IDO2: variants seen among roughly 807,000 people sequenced by gnomAD.
The protein encoded by IDO2 is indoleamine 2,3-dioxygenase-like 1 protein.
Under a neutral mutation model 45.1 loss-of-function variants are expected in IDO2, and 46 were observed. The observed-to-expected ratio is 1.02, with a 90% CI of 0.80 to 1.30. IDO2 has a LOEUF of 1.30. Ranked by LOEUF, IDO2 falls within the 50% of genes most tolerant of loss-of-function variation. The pLI, the probability that IDO2 is intolerant of heterozygous loss-of-function variation, is 0.00. For synonymous variants in IDO2, 218 were observed against 184.9 expected (o/e 1.18, Z -1.45); for missense variants, 544 against 491.8 (o/e 1.11, Z -1.00).
intron 2 of IDO2, among the ~76,000 whole-genome samples, chr8:39,958,888 T>G (rs979983355): frequency 2.6e-5 from 4 of 152,244 alleles, no homozygotes; most frequent in African/African-American, 9.6e-5. Context: ...TACAAATCTG[T>G]TTTTCTTTAA....
At chr8:39,936,059 G>A (rs748662114) in intron 1 of IDO2, among the ~76,000 whole-genome samples, 1 of 152,166 alleles carries the variant, frequency 6.6e-6, no homozygotes, top group Non-Finnish European at 1.5e-5. Context: ...AATGATGGAA[G>A]TTTTCTCTTG....
chr8:39,966,028 T>G (rs1363329929), intron 3 of IDO2, among the ~76,000 whole-genome samples: 1 of 36,404 alleles, frequency 2.7e-5, no homozygotes, highest in East Asian at 1.1e-3. Context: ...TATCGCTTCT[T>G]TTTTTTTTTT....
At chr8:39,966,880 C>A (rs1327900207) in intron 3 of IDO2, among the ~76,000 whole-genome samples, 3 of 152,100 alleles carry the variant, frequency 2.0e-5, no homozygotes, top group Non-Finnish European at 4.4e-5. Flanking sequence ...AAGAGGGTAG[C>A]CCACTTGGCA....
At chr8:39,943,042 T>C (rs1023451809) in intron 1 of IDO2, among the ~76,000 whole-genome samples, 1 of 152,144 alleles carries the variant, frequency 6.6e-6, no homozygotes, top group South Asian at 2.1e-4. Flanking sequence ...TGGTTAGATA[T>C]TGGGCTGAAG....
At chr8:39,984,952 G>A in intron 5 of IDO2, 1 of 402,936 alleles carries the variant, frequency 2.5e-6, no homozygotes, top group Admixed American at 2.9e-5. Context: ...TATTTTCAGA[G>A]ACGGAGTCTC....
intron 2 of IDO2, among the ~76,000 whole-genome samples, chr8:39,957,766 T>C (rs996823403): frequency 6.6e-6 from 1 of 152,228 alleles, no homozygotes; most frequent in Non-Finnish European, 1.5e-5. Flanking sequence ...CTTCTTTCCA[T>C]CAAAACTTAA....
At chr8:39,974,641 G>A (rs1398619675) in intron 3 of IDO2, among the ~76,000 whole-genome samples, 1 of 152,108 alleles carries the variant, frequency 6.6e-6, no homozygotes, top group Non-Finnish European at 1.5e-5. Flanking sequence ...AAAATTGGCT[G>A]GGCACTGTGG....
At chr8:39,971,766 C>A (rs1015929048) in intron 3 of IDO2, among the ~76,000 whole-genome samples, 1 of 152,074 alleles carries the variant, frequency 6.6e-6, no homozygotes, top group African/African-American at 2.4e-5. Flanking sequence ...GAAGTGGAAT[C>A]TGATTTTATA....
chr8:39,999,906 T>C (rs1802108574), intron 8 of IDO2, among the ~76,000 whole-genome samples: 1 of 152,208 alleles, frequency 6.6e-6, no homozygotes, highest in Admixed American at 6.5e-5. Context: ...TGGGATACTT[T>C]TGGTGAGAGG....
intron 9 of IDO2, among the ~76,000 whole-genome samples, chr8:40,006,641 C>CTTT (rs1802226136): frequency 1.3e-5 from 1 of 78,500 alleles, no homozygotes; most frequent in African/African-American, 4.3e-5. Flanking sequence ...GAGAACTCTA[C>CTTT]TATTATTTTA....
At chr8:39,998,275 C>G (rs1802080119) in intron 8 of IDO2, 1 of 152,250 alleles carries the variant, frequency 6.6e-6, no homozygotes, top group Non-Finnish European at 1.5e-5. Context: ...TTTCATTATC[C>G]TAGTGACATG....
chr8:39,954,834 T>C (rs1402253934), intron 2 of IDO2, among the ~76,000 whole-genome samples: 4 of 151,606 alleles, frequency 2.6e-5, no homozygotes, highest in African/African-American at 9.7e-5. Flanking sequence ...TTTTTGTATT[T>C]TTAGTAGAGA....
At chr8:40,015,441 C>A in exon 11 of IDO2, 2 of 1,613,972 alleles carry the variant, frequency 1.2e-6, no homozygotes, top group Non-Finnish European at 1.7e-6. Flanking sequence ...CACCAAATAC[C>A]TCATCACAGC....
chr8:39,983,445 G>C (rs1808382342), intron 5 of IDO2, among the ~76,000 whole-genome samples: 1 of 152,208 alleles, frequency 6.6e-6, no homozygotes, highest in Admixed American at 6.5e-5. Context: ...GACTACAACA[G>C]CTGAAGATTC....
At chr8:39,995,290 T>TCTTCTTCCTC (rs1174801048) in intron 8 of IDO2, 3 of 138,372 alleles carry the variant, frequency 2.2e-5, no homozygotes, top group Admixed American at 7.2e-5. Flanking sequence ...TTCTTCTTCT[T>TCTTCTTCCTC]TTTTTTTTGA....
chr8:39,984,915 G>C, intron 5 of IDO2: 2 of 428,278 alleles, frequency 4.7e-6, no homozygotes, highest in Non-Finnish European at 9.2e-6. Context: ...TGTAAGATGA[G>C]TGAAATAACT....
At chr8:40,014,450 T>G (rs1361098370) in intron 10 of IDO2, among the ~76,000 whole-genome samples, 1 of 152,218 alleles carries the variant, frequency 6.6e-6, no homozygotes, top group Non-Finnish European at 1.5e-5. Context: ...CAAGAGGCTA[T>G]TACTAAAACA....
At chr8:39,967,152 G>A (rs534562395) in intron 3 of IDO2, among the ~76,000 whole-genome samples, 2 of 152,208 alleles carry the variant, frequency 1.3e-5, no homozygotes, top group South Asian at 2.1e-4. Flanking sequence ...ATCAAAGAGT[G>A]CAAACCATCA....
intron 3 of IDO2, among the ~76,000 whole-genome samples, chr8:39,976,378 G>A (rs1004743516): frequency 3.9e-5 from 6 of 152,080 alleles, no homozygotes; most frequent in Non-Finnish European, 5.9e-5. Flanking sequence ...TACTCTCAAG[G>A]AGCAAGCAGG....
Sources: allele counts gnomAD v4.1 joint callset (sites outside exome capture counted in the v4.1 genomes callset), GRCh38; gene constraint gnomAD v4.1.1; transcripts MANE v1.5; gene names NCBI Gene and HGNC (gene_info 2026-07-23, HGNC 2026-07-21).